Variants in MAK observed in about 807,000 individuals in gnomAD.
The protein encoded by MAK is male germ cell associated kinase.
A neutral mutation model predicts 82.6 loss-of-function variants in MAK; 65 were observed. The observed-to-expected ratio is 0.79, with a 90% CI of 0.64 to 0.97. The LOEUF is 0.97. MAK is among the 50% of genes least tolerant of loss of function. The pLI is 0.00. For synonymous variants in MAK, 250 were observed against 274.2 expected (o/e 0.91, Z 0.87); for missense variants, 703 against 780.2 (o/e 0.90, Z 1.18).
At chr6:10,807,453 A>C (rs1319216968) in intron 6 of MAK, among the ~76,000 whole-genome samples, 1 of 143,560 alleles carries the variant, frequency 7.0e-6, no homozygotes, top group African/African-American at 2.6e-5. Flanking sequence ...AGTGATTCTC[A>C]TGCCTCAGCC....
intron 1 of MAK, among the ~76,000 whole-genome samples, chr6:10,836,588 CATGGTT>C (rs1422332293): frequency 6.6e-6 from 1 of 152,214 alleles, no homozygotes; most frequent in Non-Finnish European, 1.5e-5. Flanking sequence ...ACAGGCTTCC[CATGGTT>C]CTCCAGTTCA....
intron 7 of MAK, 101 bp from the exon 8 acceptor site, chr6:10,802,160 T>G: frequency 1.1e-6 from 1 of 876,240 alleles, no homozygotes; most frequent in Non-Finnish European, 1.8e-6. Context: ...CATTTATGTT[T>G]GAACATTTTC....
At chr6:10,831,817 C>T (rs1341068063) in intron 1 of MAK, among the ~76,000 whole-genome samples, 1 of 152,050 alleles carries the variant, frequency 6.6e-6, no homozygotes, top group African/African-American at 2.4e-5. Context: ...ATGTTGTAAC[C>T]TCATAATCAA....
intron 11 of MAK, 50 bp from the exon 12 acceptor site, chr6:10,775,509 T>TA: frequency 6.3e-7 from 1 of 1,593,100 alleles, no homozygotes; most frequent in East Asian, 2.3e-5. Flanking sequence ...ATCATAAACT[T>TA]AAAGGAAACT....
intron 14 of MAK, among the ~76,000 whole-genome samples, chr6:10,769,200 C>T (rs1014135860): frequency 7.9e-5 from 12 of 152,194 alleles, no homozygotes; most frequent in East Asian, 1.9e-4. Flanking sequence ...GGTGACAGAG[C>T]AAGGCTTTTT....
At chr6:10,809,040 T>C in intron 5 of MAK, 98 bp from the exon 6 acceptor site, 1 of 1,119,542 alleles carries the variant, frequency 8.9e-7, no homozygotes, top group Non-Finnish European at 1.3e-6. Flanking sequence ...CCCCCTCTTT[T>C]ATAATTCAAA....
intron 1 of MAK, among the ~76,000 whole-genome samples, chr6:10,835,705 G>C (rs566840994): frequency 2.0e-5 from 3 of 152,180 alleles, no homozygotes; most frequent in Non-Finnish European, 2.9e-5. Context: ...TTCTGAAAAA[G>C]GACATATGAC....
At chr6:10,825,178 T>G (rs190542933) in intron 2 of MAK, among the ~76,000 whole-genome samples, 5 of 152,258 alleles carry the variant, frequency 3.3e-5, no homozygotes, top group Admixed American at 3.3e-4. Context: ...AGCCATAAGG[T>G]GGTCATTAGG....
rs1009883351 is a variant in MAK at position 10,797,941 on chromosome 6, T to A, written c.832-1632A>T. Reference sequence around the variant, plus strand: ...GCATTCTCAGTGGAATACACAAATATACATAATTTGAATACTTCAATGCCT... The same window carrying A: ...GCATTCTCAGTGGAATACACAAATAAACATAATTTGAATACTTCAATGCCT... On this transcript the variant is annotated intron_variant, in intron 8 of 14. Transcript: ENST00000354489. The A allele has an allele frequency of 3.3e-6, 4 of 1,229,224 alleles. No homozygotes were observed. In the African/African-American group the frequency reaches 6.3e-5, roughly 19 times the overall value. The allele number at this position is 1,229,224 out of a possible 1,614,324, so 76.1% of individuals were successfully genotyped here.
chr6:10,798,799 ATTAT>A (rs59455975), intron 8 of MAK, among the ~76,000 whole-genome samples: 38,760 of 144,820 alleles, frequency 0.27, 5,390 homozygotes, highest in Non-Finnish European at 0.31. Context: ...GTTTAGAAAC[ATTAT>A]TTATTTATTT....
At position 10,817,857 on chromosome 6, in the gene MAK, T is replaced by C. The variant is rs769859859; in HGVS notation, c.271A>G (p.Lys91Glu). 2 of 1,489,164 alleles carry C rather than the reference T, an allele frequency of 1.3e-6. No homozygotes were observed. The highest frequency in any genetic ancestry group is 2.4e-5 in the East Asian group (1 of 41,996). 92.2% of individuals were successfully genotyped at this position (1,489,164 alleles called of 1,614,324 possible). The change falls in exon 4 of 15, where the codon AAA becomes GAA. Residue 91 changes from lysine to glutamate, a missense_variant. Physicochemically the swap from Lys to Glu is moderately conservative, Grantham distance 56. Transcript: ENST00000354489. Reference sequence around the variant, plus strand: ...ACATGAATAAAAACATACCTGTCTTTCATTAATTGATAGAGGTTTTCTTTC... The same window carrying C: ...ACATGAATAAAAACATACCTGTCTTCCATTAATTGATAGAGGTTTTCTTTC... ...YMKENLYQLM[K>E]DRNKLFPESV...
At chr6:10,785,431 C>T (rs1774452411) in intron 10 of MAK, among the ~76,000 whole-genome samples, 1 of 152,216 alleles carries the variant, frequency 6.6e-6, no homozygotes, top group Non-Finnish European at 1.5e-5. Context: ...ATTTCCATCA[C>T]TTGTTAACTC....
At chr6:10,799,449 G>A (rs553505753) in intron 8 of MAK, among the ~76,000 whole-genome samples, 7 of 152,046 alleles carry the variant, frequency 4.6e-5, no homozygotes, top group Non-Finnish European at 1.0e-4. Flanking sequence ...GGTAATGAAT[G>A]TTTAGAAAAA....
rs1561946042 is a variant in MAK at position 10,784,455 on chromosome 6, CT to C, written c.1433del (p.Gln478ArgfsTer4). 2 of 1,614,160 alleles carry C rather than the reference CT, an allele frequency of 1.2e-6. No individual in the cohort carries two copies. Among genetic ancestry groups the C allele is most frequent in the Non-Finnish European group, 1.7e-6 (2 of 1,180,024 alleles). ...SELSTAPTSK[Q>X]YYLKQSRYLP... ...GATATCTTGATTGTTTCAAGTAGTA[CT>C]GTTTAGAGGTTGGAGCAGTTGACAA... On this transcript the variant is annotated frameshift_variant, in exon 11 of 15. Coordinates refer to ENST00000354489, the MANE Select transcript of MAK (RefSeq NM_001242957.3). LOFTEE classifies it high-confidence loss of function.
chr6:10,781,421 A>ATTT (rs1007040142), intron 11 of MAK, among the ~76,000 whole-genome samples: 7 of 134,450 alleles, frequency 5.2e-5, no homozygotes, highest in African/African-American at 1.4e-4. Context: ...TCAAAAGTAG[A>ATTT]TTTTTTTTTT....
chr6:10,782,908 T>C (rs1344134027), intron 11 of MAK, among the ~76,000 whole-genome samples: 2 of 152,140 alleles, frequency 1.3e-5, no homozygotes, highest in East Asian at 1.9e-4. Flanking sequence ...GAAATTTCTA[T>C]GTTTGCCTAA....
rs547372600 is a variant in MAK, at chr6:10,784,534, G to C, written c.1355C>G (p.Thr452Arg). Residue 452 changes from threonine (T) to arginine (R), a missense_variant, in exon 11 of 15, where the codon ACA becomes AGA. Transcript: ENST00000354489. ...EPVPSGSNHS[T>R]GENKSLPAVT... ...AGCAGGTAAGCTCTTGTTTTCCCCT[G>C]TCGAGTGGTTGGAGCCTGAGGGTAC... The C allele has an allele frequency of 6.2e-7, 1 of 1,614,208 alleles. No individual in the cohort carries two copies. Among genetic ancestry groups the C allele is most frequent in the Non-Finnish European group, 8.5e-7 (1 of 1,180,022 alleles).
intron 6 of MAK, among the ~76,000 whole-genome samples, chr6:10,805,070 C>CGGGGGGGGGGGGGG (rs60993333): frequency 7.0e-5 from 7 of 100,218 alleles, no homozygotes; most frequent in African/African-American, 2.6e-4. Flanking sequence ...ATGTGTGTGT[C>CGGGGGGGGGGGGGG]GGGGGGGGGG....
intron 2 of MAK, among the ~76,000 whole-genome samples, chr6:10,825,840 C>T (rs1049614204): frequency 4.6e-5 from 7 of 152,102 alleles, no homozygotes; most frequent in Non-Finnish European, 1.0e-4. Context: ...AGCTATTTTC[C>T]TGTCAGGCCA....
Sources: allele counts gnomAD v4.1 joint callset (sites outside exome capture counted in the v4.1 genomes callset), GRCh38; gene constraint gnomAD v4.1.1; transcripts MANE v1.5; gene names NCBI Gene and HGNC (gene_info 2026-07-23, HGNC 2026-07-21).